Variants in PTPN21 observed in about 807,000 individuals in gnomAD.
PTPN21 encodes the protein tyrosine-protein phosphatase non-receptor type 21.
A neutral mutation model predicts 131.8 loss-of-function variants in PTPN21; 77 were observed. The observed-to-expected ratio is 0.58, with a 90% CI of 0.49 to 0.71. The LOEUF (loss-of-function observed/expected upper bound fraction) is 0.71. Ranked by LOEUF, PTPN21 falls within the 30% of genes least tolerant of loss-of-function variation. PTPN21 has a pLI of 0.00. For missense variants in PTPN21, 1,552 were observed against 1,527.1 expected, an observed-to-expected ratio of 1.02 and a Z score of -0.27; for synonymous variants, 715 against 621.3, an observed-to-expected ratio of 1.15 and a Z score of -2.24.
In PTPN21 at chr14:88,473,684, C is replaced by G. The variant is rs755996644; in HGVS notation, c.2630G>C (p.Arg877Thr). Residue 877 changes from arginine to threonine, a missense_variant, in exon 14 of 19, where the codon AGA becomes ACA. By Grantham distance (71) the Arg-to-Thr change is moderately conservative. Transcript: ENST00000556564. Reference protein sequence around the residue: ...LPDEGKEVATRATNDERCKIL... With the variant: ...LPDEGKEVATTATNDERCKIL... ...ACATACCCTTTCATCATTCGTTGCT[C>G]TGGTAGCCACTTCCTTTCCTTCATC... 1.9e-6 allele frequency: 3 copies of G among 1,613,036 alleles called. No individual in the cohort carries two copies. Among genetic ancestry groups the G allele is most frequent in the Non-Finnish European group, 2.5e-6 (3 of 1,179,874 alleles).
In PTPN21 at chr14:88,469,401, G is replaced by A; in HGVS notation, c.3235+98C>T. ...GTTAAAACAAGTCCGAAGCTTATAT[G>A]AGATAACATAAAGGAAATATTTCGG... On this transcript the variant is annotated intron_variant, in intron 17 of 18. Coordinates refer to ENST00000556564, the MANE Select transcript of PTPN21 (RefSeq NM_007039.4). The surrounding 1 kb of genome is among the most constrained non-coding windows in gnomAD (Gnocchi z 4.3). The A allele has an allele frequency of 1.8e-6, 2 of 1,085,994 alleles. No individual in the cohort carries two copies. The highest frequency in any genetic ancestry group is 1.4e-5 in the South Asian group (1 of 69,542). The allele number at this position is 1,085,994 out of a possible 1,614,324, so 67.3% of individuals were successfully genotyped here. A position where few individuals can be genotyped will look rare whatever the true frequency, so the allele number is the denominator to read the frequency against.
chr14:88,503,082 C>T (rs1566829373), intron 6 of PTPN21, among the ~76,000 whole-genome samples: 1 of 150,142 alleles, frequency 6.7e-6, no homozygotes, highest in South Asian at 2.1e-4. Context: ...TGTCACCAGG[C>T]TGGAGTGCAG....
rs1293678510 is a variant in PTPN21, at chr14:88,496,373, T to C, written c.932+40A>G. ...ATACTCAAGATTACAATTTCTAAAT[T>C]CATTATTTTTGATAATTTCCATGAG... On this transcript the variant is annotated intron_variant, in intron 10 of 18. Transcript: ENST00000556564. 2.0e-6 allele frequency: 3 copies of C among 1,503,078 alleles called. No individual in the cohort carries two copies. In the Admixed American group the frequency reaches 5.1e-5, roughly 25 times the overall value. 93.1% of individuals were successfully genotyped at this position (1,503,078 alleles called of 1,614,324 possible). A position where few individuals can be genotyped will look rare whatever the true frequency, so the allele number is the denominator to read the frequency against.
rs145187915 is a variant in PTPN21 at position 88,469,845 on chromosome 14, A to T, written c.3000+77T>A. On this transcript the variant is annotated intron_variant, in intron 16 of 18. Transcript: ENST00000556564. The surrounding 1 kb of genome is among the most constrained non-coding windows in gnomAD (Gnocchi z 4.3). ...AACCCTACCCTGCCTTTTTCTCCAC[A>T]GGTCAGGATTCCAGATGATTAACAT... 2.6e-4 allele frequency: 411 copies of T among 1,607,940 alleles called. No homozygotes were observed. The highest frequency in any genetic ancestry group is 3.3e-4 in the Middle Eastern group (2 of 6,052).
chr14:88,506,438 C>A (rs1289459011), intron 4 of PTPN21, among the ~76,000 whole-genome samples: 1 of 152,012 alleles, frequency 6.6e-6, no homozygotes, highest in Non-Finnish European at 1.5e-5. Context: ...AATGCAGAAT[C>A]TTTATTTATA....
At chr14:88,529,327 C>T (rs757973185) in intron 2 of PTPN21, among the ~76,000 whole-genome samples, 18 of 152,074 alleles carry the variant, frequency 1.2e-4, no homozygotes, top group Non-Finnish European at 2.4e-4. Context: ...CCTACTTGAT[C>T]ATGGTGTATT....
At chr14:88,497,551 C>T (rs928154827) in intron 8 of PTPN21, among the ~76,000 whole-genome samples, 6 of 151,424 alleles carry the variant, frequency 4.0e-5, no homozygotes, top group South Asian at 2.1e-4. Context: ...GGGTGGATCA[C>T]GAGGTCAGGA....
In PTPN21 at chr14:88,480,057, G is replaced by C; in HGVS notation, c.1374C>G (p.Leu458=). ...GTTCCGCATGCACCAGGCCCCTGTTGAGCTGCTTCATCACAGTCTCATAGT... is the reference window on the plus strand; with the variant it reads ...GTTCCGCATGCACCAGGCCCCTGTTCAGCTGCTTCATCACAGTCTCATAGT... ...TPDYETVMKQ[L]NRGLVHAERQ... Residue 458 remains leucine, a synonymous_variant, in exon 13 of 19, where the codon CTC becomes CTG. Transcript: ENST00000556564. 3 of 1,614,080 alleles carry C rather than the reference G, an allele frequency of 1.9e-6. No individual in the cohort carries two copies. The highest frequency in any genetic ancestry group is 2.5e-6 in the Non-Finnish European group (3 of 1,180,040).
At chr14:88,529,590 C>A (rs1455578567) in intron 2 of PTPN21, among the ~76,000 whole-genome samples, 3 of 152,176 alleles carry the variant, frequency 2.0e-5, no homozygotes, top group African/African-American at 4.8e-5. Context: ...TTTAGACATC[C>A]AAACACAAGA....
At chr14:88,474,215 G>T (rs868834088) in intron 13 of PTPN21, among the ~76,000 whole-genome samples, 4 of 148,914 alleles carry the variant, frequency 2.7e-5, no homozygotes, top group African/African-American at 9.9e-5. Flanking sequence ...TTTTTTTGAG[G>T]GTCTCACTCT....
At position 88,496,333 on chromosome 14, in the gene PTPN21, T is replaced by C. The variant is rs1233707287; in HGVS notation, c.932+80A>G. The C allele has an allele frequency of 3.9e-6, 5 of 1,271,318 alleles. No individual in the cohort carries two copies. In the African/African-American group the frequency reaches 4.5e-5, roughly 11 times the overall value. 78.8% of individuals were successfully genotyped at this position (1,271,318 alleles called of 1,614,324 possible). A position where few individuals can be genotyped will look rare whatever the true frequency, so the allele number is the denominator to read the frequency against. On this transcript the variant is annotated intron_variant, in intron 10 of 18. Transcript: ENST00000556564. ...AAGATGTCAACTGATAAAATGTCTTTCTTGATGATACAGTATACTCAAGAT... is the reference window on the plus strand; with the variant it reads ...AAGATGTCAACTGATAAAATGTCTTCCTTGATGATACAGTATACTCAAGAT...
chr14:88,512,161 C>T (rs2078196420), intron 3 of PTPN21, among the ~76,000 whole-genome samples: 1 of 152,118 alleles, frequency 6.6e-6, no homozygotes, highest in East Asian at 1.9e-4. Context: ...GTCCTTTGCC[C>T]CCTCCACCGC....
intron 2 of PTPN21, among the ~76,000 whole-genome samples, chr14:88,531,030 T>C (rs1159404538): frequency 1.3e-5 from 2 of 152,158 alleles, no homozygotes; most frequent in African/African-American, 2.4e-5. Flanking sequence ...ATAGACCATA[T>C]GATAGGCCAC....
intron 2 of PTPN21, among the ~76,000 whole-genome samples, chr14:88,545,360 G>A (rs945426812): frequency 6.6e-6 from 1 of 152,110 alleles, no homozygotes; most frequent in Non-Finnish European, 1.5e-5. Context: ...ATTAAATCAG[G>A]TCTTCCCATG....
intron 12 of PTPN21, among the ~76,000 whole-genome samples, chr14:88,484,213 ATT>A (rs58568578): frequency 0.059 from 5,250 of 88,806 alleles, 314 homozygotes; most frequent in African/African-American, 0.17. Flanking sequence ...ACGCCCAGCT[ATT>A]TTTTTTTTTT....
At chr14:88,497,151 CTTG>C (rs2077930885) in intron 9 of PTPN21, 49 bp downstream of exon 9, 1 of 1,400,504 alleles carries the variant, frequency 7.1e-7, no homozygotes, top group South Asian at 1.2e-5. Context: ...AGAAGTAGAA[CTTG>C]TTAACTTTTA....
chr14:88,530,381 A>C (rs4899955), intron 2 of PTPN21, among the ~76,000 whole-genome samples: 81,254 of 151,866 alleles, frequency 0.54, 24,456 homozygotes, highest in Middle Eastern at 0.7. Context: ...GGGAAAAAAA[A>C]CCAAATTATT....
At position 88,544,840 on chromosome 14, in the gene PTPN21, T is replaced by G. The variant is rs576066679; in HGVS notation, c.180+5398A>C. On this transcript the variant is annotated intron_variant, in intron 2 of 18. Coordinates refer to ENST00000556564, the MANE Select transcript of PTPN21 (RefSeq NM_007039.4). ...ATGTACTTTTTCTTTTCTTTTCTTT[T>G]TTTTTGAGACAGAGTCTCACTCTGT... is the stretch of plus-strand genomic sequence containing the variant. 3.3e-5 allele frequency among the ~76,000 whole-genome samples: 5 copies of G among 152,254 alleles called. 1 individual carries two copies. Among genetic ancestry groups the G allele is most frequent in the African/African-American group, 1.2e-4 (5 of 41,570 alleles).
At chr14:88,524,442 C>T (rs567571677) in intron 2 of PTPN21, among the ~76,000 whole-genome samples, 3 of 152,254 alleles carry the variant, frequency 2.0e-5, no homozygotes, top group East Asian at 3.9e-4. Flanking sequence ...GAAGTTGGAT[C>T]CCTACTCCAT....
Sources: gnomAD v4.1 joint callset for allele counts (sites outside exome capture counted in the v4.1 genomes callset) on GRCh38, gnomAD v4.1.1 for gene constraint, Gnocchi (gnomAD v3.1) non-coding constraint, MANE v1.5 for transcripts, NCBI Gene and HGNC (gene_info 2026-07-23, HGNC 2026-07-21) for gene names.